RERG: variants seen among roughly 807,000 people sequenced by gnomAD.
RERG encodes the protein RAS like estrogen regulated growth inhibitor.
RERG carries 25 observed loss-of-function variants against 23.2 expected under a neutral mutation model. The ratio of observed to expected loss-of-function variants is 1.08; its 90% CI spans 0.79 to 1.50. The LOEUF (loss-of-function observed/expected upper bound fraction) is 1.50. Among genes scored for constraint, RERG ranks in the 40% most tolerant of loss-of-function variants. The pLI is 0.00. For missense variants in RERG, 253 were observed against 250.1 expected (o/e 1.01, Z -0.08); for synonymous variants, 81 against 89.1 (o/e 0.91, Z 0.51).
chr12:15,111,507 G>A, intron 3 of RERG, 90 bp from the exon 4 acceptor site: 2 of 996,584 alleles, frequency 2.0e-6, no homozygotes, highest in African/African-American at 1.6e-5. Flanking sequence ...CATGGGAGAA[G>A]TATTCCTGAT....
intron 4 of RERG, among the ~76,000 whole-genome samples, chr12:15,110,463 C>CTTTTTTTTT (rs869218147): frequency 0.014 from 1,031 of 73,162 alleles, 127 homozygotes; most frequent in East Asian, 0.02. Context: ...CCATTTTTTT[C>CTTTTTTTTT]TTTTTTTTTT....
chr12:15,171,877 G>A lies in RERG; in HGVS notation c.61+45552C>T, dbSNP rs1484358029. ...ATACTAATAGTTAATAAGCTTATGT[G>A]TAGTTCTCCGACTTTTTTGAAATAA... On this transcript the variant is annotated intron_variant, in intron 2 of 4. Transcript: ENST00000256953. Among the ~76,000 whole-genome samples the A allele has an allele frequency of 1.3e-5, 2 of 152,130 alleles. 1 individual carries two copies. Among genetic ancestry groups the A allele is most frequent in the Admixed American group, 1.3e-4 (2 of 15,256 alleles).
intron 2 of RERG, among the ~76,000 whole-genome samples, chr12:15,174,197 T>C (rs1489040441): frequency 1.3e-5 from 2 of 152,082 alleles, no homozygotes; most frequent in Non-Finnish European, 2.9e-5. Context: ...TGTGAAATTC[T>C]TCTATTACAG....
Position 15,134,054 on chromosome 12 carries a change from TATG to T in RERG, c.62-12938_62-12936del, listed in dbSNP as rs1864101207. On this transcript the variant is annotated intron_variant, in intron 2 of 4. Coordinates refer to ENST00000256953, the MANE Select transcript of RERG (RefSeq NM_032918.3). ...TTTTCTCCCAGTCTGTGGCTTGTCT[TATG>T]ATTCTCTAGACAGTGTTTTTTTCAC... 2.0e-5 allele frequency among the ~76,000 whole-genome samples: 3 copies of T among 151,632 alleles called. No homozygotes were observed. In the South Asian group the frequency reaches 6.3e-4, roughly 32 times the overall value.
chr12:15,119,138 T>C (rs937574726), intron 3 of RERG, among the ~76,000 whole-genome samples: 1 of 152,202 alleles, frequency 6.6e-6, no homozygotes, highest in Non-Finnish European at 1.5e-5. Flanking sequence ...ATGTATCCAT[T>C]ACTCCTGAAG....
At chr12:15,176,054 G>T (rs539104609) in intron 2 of RERG, among the ~76,000 whole-genome samples, 1 of 152,166 alleles carries the variant, frequency 6.6e-6, no homozygotes, top group Non-Finnish European at 1.5e-5. Context: ...AGTCTAAAAC[G>T]TTATTAGTGT....
At chr12:15,208,490 A>C (rs1381666932) in intron 2 of RERG, among the ~76,000 whole-genome samples, 1 of 152,182 alleles carries the variant, frequency 6.6e-6, no homozygotes, top group African/African-American at 2.4e-5. Flanking sequence ...AGTCTAATTC[A>C]AATTTTTCAT....
In RERG at chr12:15,107,832, T is replaced by C. The variant is rs529097587; in HGVS notation, c.*1278A>G. On this transcript the variant is annotated 3_prime_UTR_variant, in exon 5 of 5. Transcript: ENST00000256953. The stretch of plus-strand genomic sequence containing the variant: ...TTTATTATAGTCACATAAAATAAAG[T>C]CAGTTACATCAAGTTGTCCAAATGC... 5 of 152,636 alleles carry C rather than the reference T, an allele frequency of 3.3e-5. No homozygotes were observed. In the East Asian group the frequency reaches 9.7e-4, roughly 30 times the overall value. The allele number at this position is 152,636 out of a possible 1,614,324, so 9.5% of individuals were successfully genotyped here.
At position 15,109,044 on chromosome 12, in the gene RERG, A is replaced by AT; in HGVS notation, c.*65dup. ...AACAAAGAATGCAATATTTTGTTTT[A>AT]TTTTTGAAAGGGGAACAGAAGGGGA... On this transcript the variant is annotated 3_prime_UTR_variant, in exon 5 of 5. Coordinates refer to ENST00000256953, the MANE Select transcript of RERG (RefSeq NM_032918.3). The AT allele has an allele frequency of 7.1e-7, 1 of 1,413,380 alleles. No homozygotes were observed. The highest frequency in any genetic ancestry group is 1.4e-5 in the African/African-American group (1 of 69,546). 87.6% of individuals were successfully genotyped at this position (1,413,380 alleles called of 1,614,324 possible).
At chr12:15,147,612 A>C (rs1864356707) in intron 2 of RERG, among the ~76,000 whole-genome samples, 1 of 152,236 alleles carries the variant, frequency 6.6e-6, no homozygotes, top group African/African-American at 2.4e-5. Context: ...TCAAAATGTG[A>C]CAACTTGTTT....
chr12:15,113,835 T>C (rs932290204), intron 3 of RERG, among the ~76,000 whole-genome samples: 6 of 152,044 alleles, frequency 3.9e-5, no homozygotes, highest in Non-Finnish European at 8.8e-5. Context: ...GCAATTCAAA[T>C]GAAATGTCCA....
chr12:15,188,858 G>T (rs561604591), intron 2 of RERG, among the ~76,000 whole-genome samples: 15 of 152,216 alleles, frequency 9.9e-5, no homozygotes, highest in African/African-American at 3.6e-4. Flanking sequence ...TTCTCTATGG[G>T]CAGTAGTTAT....
chr12:15,202,470 T>G (rs1242566819), intron 2 of RERG, among the ~76,000 whole-genome samples: 1 of 151,814 alleles, frequency 6.6e-6, no homozygotes, highest in Non-Finnish European at 1.5e-5. Flanking sequence ...CTGCCATGCT[T>G]GCCAATCACC....
intron 1 of RERG, among the ~76,000 whole-genome samples, chr12:15,219,591 C>A (rs572983183): frequency 1.4e-4 from 22 of 152,184 alleles, no homozygotes; most frequent in African/African-American, 5.1e-4. Context: ...AAGAAAAGGC[C>A]CTATGTTTTT....
intron 2 of RERG, among the ~76,000 whole-genome samples, chr12:15,166,548 T>G (rs928642789): frequency 4.6e-5 from 7 of 151,368 alleles, no homozygotes; most frequent in Non-Finnish European, 1.0e-4. Context: ...GTGGTAGTGG[T>G]GTTGGTGGTG....
chr12:15,198,152 C>T (rs1461029515), intron 2 of RERG, among the ~76,000 whole-genome samples: 1 of 152,114 alleles, frequency 6.6e-6, no homozygotes, highest in African/African-American at 2.4e-5. Context: ...CCTATCTTGT[C>T]TCTTGGTGAG....
chr12:15,202,341 C>T (rs556883016), intron 2 of RERG, among the ~76,000 whole-genome samples: 15 of 151,778 alleles, frequency 9.9e-5, no homozygotes, highest in African/African-American at 3.6e-4. Flanking sequence ...AATTTTTAAG[C>T]GCACAACACC....
intron 2 of RERG, among the ~76,000 whole-genome samples, chr12:15,137,211 ATAT>A (rs1202477204): frequency 6.6e-6 from 1 of 151,668 alleles, no homozygotes; most frequent in African/African-American, 2.4e-5. Flanking sequence ...GTTCTGTCTG[ATAT>A]TAATATAGCT....
chr12:15,214,023 T>C lies in RERG; in HGVS notation c.61+3406A>G, dbSNP rs1201714262. On this transcript the variant is annotated intron_variant, in intron 2 of 4. Coordinates refer to ENST00000256953, the MANE Select transcript of RERG (RefSeq NM_032918.3). ...GTGTGTGTGTGTGTGTGTGTGTGTG[T>C]GTGTGTGTGTGTGTGCGCGTGTGTG... Among the ~76,000 whole-genome samples, 3 of 138,356 alleles carry C rather than the reference T, an allele frequency of 2.2e-5. No individual in the cohort carries two copies. The South Asian group carries it at 6.9e-4, about 32-fold the overall frequency. The allele number at this position is 138,356 out of a possible 152,430, so 90.8% of individuals were successfully genotyped here.
Sources: gnomAD v4.1 joint callset for allele counts (sites outside exome capture counted in the v4.1 genomes callset) on GRCh38, gnomAD v4.1.1 for gene constraint, MANE v1.5 for transcripts, NCBI Gene and HGNC (gene_info 2026-07-23, HGNC 2026-07-21) for gene names.